EHBP1L1: variants seen among roughly 807,000 people sequenced by gnomAD.
The protein encoded by EHBP1L1 is EH domain-binding protein 1-like protein 1.
EHBP1L1 carries 122 observed loss-of-function variants against 151.1 expected under a neutral mutation model. The observed-to-expected ratio is 0.81, with a 90% CI of 0.70 to 0.94. The LOEUF is 0.94. EHBP1L1 is among the 40% of genes least tolerant of loss of function. The pLI, the probability that EHBP1L1 is intolerant of heterozygous loss-of-function variation, is 0.00. For missense variants in EHBP1L1, 1,941 were observed against 1,959.8 expected (o/e 0.99, Z 0.18); for synonymous variants, 878 against 810.1 (o/e 1.08, Z -1.42).
chr11:65,580,384 G>C lies in EHBP1L1; in HGVS notation c.539G>C (p.Ser180Thr), dbSNP rs1335907307. ...SLASLMSVKPSDVGNLDDFAE... is the reference protein window; with the variant it reads ...SLASLMSVKPTDVGNLDDFAE... ...GCAAGCCTCATGAGTGTGAAGCCTAGTGATGTGGGCAACTTGGATGACTTT... is the reference window on the plus strand; with the variant it reads ...GCAAGCCTCATGAGTGTGAAGCCTACTGATGTGGGCAACTTGGATGACTTT... Residue 180 changes from serine (S) to threonine (T), a missense_variant, in exon 6 of 19, where the codon AGT (serine) becomes ACT (threonine). Physicochemically the swap from Ser to Thr is moderately conservative, Grantham distance 58. Coordinates refer to ENST00000309295, the MANE Select transcript of EHBP1L1 (RefSeq NM_001099409.3). 1 of 1,613,832 alleles carries C rather than the reference G, an allele frequency of 6.2e-7. No individual in the cohort carries two copies. The highest frequency in any genetic ancestry group is 1.1e-5 in the South Asian group (1 of 91,086).
At chr11:65,581,514 A>C in intron 8 of EHBP1L1, 25 bp from the exon 9 acceptor site, 6 of 1,452,478 alleles carry the variant, frequency 4.1e-6, no homozygotes, top group Non-Finnish European at 5.5e-6. Flanking sequence ...CAGCCCCCCA[A>C]CTCCCCCTCC....
In EHBP1L1 at chr11:65,582,884, G is replaced by A. The variant is rs780845528; in HGVS notation, c.2212G>A (p.Glu738Lys). The A allele has an allele frequency of 6.2e-7, 1 of 1,613,648 alleles. No individual in the cohort carries two copies. Among genetic ancestry groups the A allele is most frequent in the Non-Finnish European group, 8.5e-7 (1 of 1,179,832 alleles). ...EITARDSGVR[E>K]IEAEIAESDI... ...AACAGCTAGGGATTCAGGGGTCAGAGAGATAGAAGCAGAGATAGCAGAGTC... is the reference window on the plus strand; with the variant it reads ...AACAGCTAGGGATTCAGGGGTCAGAAAGATAGAAGCAGAGATAGCAGAGTC... The change falls in exon 9 of 19, where the codon GAG (glutamate) becomes AAG (lysine). Residue 738 changes from glutamate to lysine, a missense_variant. Transcript: ENST00000309295.
Position 65,581,080 on chromosome 11 carries a change from G to A in EHBP1L1, c.657G>A (p.Thr219=), listed in dbSNP as rs762977125. The part of the protein sequence containing the change: ...PQPDPSRELK[T]LCEEEEEGQG... ...CAGATCCCTCTCGAGAGCTGAAGACGCTTTGTGAGGAGGAGGAGGAAGGCC... is the reference window on the plus strand; with the variant it reads ...CAGATCCCTCTCGAGAGCTGAAGACACTTTGTGAGGAGGAGGAGGAAGGCC... Residue 219 remains threonine (T), a synonymous_variant, in exon 7 of 19, where the codon ACG becomes ACA. Transcript: ENST00000309295. The A allele has an allele frequency of 6.8e-6, 11 of 1,611,998 alleles. No individual in the cohort carries two copies. The highest frequency in any genetic ancestry group is 5.0e-5 in the Admixed American group (3 of 59,716).
chr11:65,581,387 C>G lies in EHBP1L1; in HGVS notation c.866+14C>G. Reference sequence around the variant, plus strand: ...ACCAGAGATGAGGTGAGCTTTGGAACCAGCCTCACCCCCCATTGCCCCCTG... The same window carrying G: ...ACCAGAGATGAGGTGAGCTTTGGAAGCAGCCTCACCCCCCATTGCCCCCTG... On this transcript the variant is annotated intron_variant, in intron 8 of 18. Transcript: ENST00000309295. 1 of 1,523,280 alleles carries G rather than the reference C, an allele frequency of 6.6e-7. No homozygotes were observed. The highest frequency in any genetic ancestry group is 8.8e-7 in the Non-Finnish European group (1 of 1,137,716). The allele number at this position is 1,523,280 out of a possible 1,614,324, so 94.4% of individuals were successfully genotyped here.
chr11:65,591,787 C>CCCCCCCCAA lies in EHBP1L1; in HGVS notation c.4284-13_4284-12insCCCCCCCAA. The CCCCCCCCAA allele has an allele frequency of 1.3e-6, 2 of 1,535,214 alleles. No homozygotes were observed. The highest frequency in any genetic ancestry group is 2.3e-4 in the Middle Eastern group (1 of 4,354). ...TGCCACCCCCCCGCCACCCACCCCC[C>CCCCCCCCAA]GCCACCTTCCAGCATGGAGGAGCAG... On this transcript the variant is annotated splice_polypyrimidine_tract_variant and intron_variant, in intron 16 of 18. Coordinates refer to ENST00000309295, the MANE Select transcript of EHBP1L1 (RefSeq NM_001099409.3).
Position 65,590,514 on chromosome 11 carries a change from A to T in EHBP1L1, c.4205A>T (p.Glu1402Val), listed in dbSNP as rs1476584925. The change falls in exon 16 of 19, where the codon GAG (glutamate) becomes GTG (valine). Residue 1402 changes from glutamate to valine, a missense_variant. Glu to Val is a moderately radical substitution (Grantham distance 121). Transcript: ENST00000309295. ...MESGANKLQE[E>V]VLIQEWFTLV... ...GCAGGTGCCAACAAGCTGCAGGAGG[A>T]GGTGCTGATCCAGGAGTGGTTCACC... is the stretch of plus-strand genomic sequence containing the variant. The T allele has an allele frequency of 6.2e-7, 1 of 1,613,412 alleles. No homozygotes were observed. Among genetic ancestry groups the T allele is most frequent in the South Asian group, 1.1e-5 (1 of 91,034 alleles).
intron 9 of EHBP1L1, 185 bp from the exon 10 acceptor site, chr11:65,584,056 G>T: frequency 4.9e-6 from 7 of 1,427,118 alleles, no homozygotes; most frequent in Non-Finnish European, 6.4e-6. Context: ...CCTTTTAGGT[G>T]ACCTTGGCAG....
rs1028290059 is a variant in EHBP1L1, at chr11:65,581,962, A to T, written c.1290A>T (p.Ser430=). 5 of 1,613,826 alleles carry T rather than the reference A, an allele frequency of 3.1e-6. No individual in the cohort carries two copies. Among genetic ancestry groups the T allele is most frequent in the Non-Finnish European group, 4.2e-6 (5 of 1,179,844 alleles). The change falls in exon 9 of 19, where the codon TCA becomes TCT. Residue 430 remains serine, a synonymous_variant. Transcript: ENST00000309295. ...AVCQVDAEQR[S]KVRHVDTKGP... ...GTCAAGTGGATGCTGAGCAGAGGTC[A>T]AAGGTGAGACATGTGGACACTAAGG...
chr11:65,584,964 C>T lies in EHBP1L1; in HGVS notation c.3306C>T (p.Phe1102=). The change falls in exon 12 of 19, where the codon TTC becomes TTT. Residue 1102 remains phenylalanine (F), a synonymous_variant. Coordinates refer to ENST00000309295, the MANE Select transcript of EHBP1L1 (RefSeq NM_001099409.3). ...LNIKQNNKQA[F]DGFAALGVSR... ...CGAGTGCACCCTTCCCCTAGGCCTT[C>T]GATGGCTTCGCGGCTCTGGGCGTGT... The T allele has an allele frequency of 3.9e-6, 6 of 1,533,484 alleles. No homozygotes were observed. Among genetic ancestry groups the T allele is most frequent in the Non-Finnish European group, 5.2e-6 (6 of 1,145,724 alleles). 95.0% of individuals were successfully genotyped at this position (1,533,484 alleles called of 1,614,324 possible). A position where few individuals can be genotyped will look rare whatever the true frequency, so the allele number is the denominator to read the frequency against.
rs762284791 is a variant in EHBP1L1, at chr11:65,583,474, C to T, written c.2802C>T (p.Val934=). 1 of 1,613,548 alleles carries T rather than the reference C, an allele frequency of 6.2e-7. No individual in the cohort carries two copies. Among genetic ancestry groups the T allele is most frequent in the Non-Finnish European group, 8.5e-7 (1 of 1,179,772 alleles). ...VQGSETQVLR[V]QEAEAGVWGM... is the part of the protein sequence containing the mutation. ...GGTCAGAGACTCAAGTTCTGAGAGT[C>T]CAGGAGGCAGAGGCTGGGGTTTGGG... The change falls in exon 9 of 19, where the codon GTC becomes GTT. Residue 934 remains valine, a synonymous_variant. Transcript: ENST00000309295.
At chr11:65,584,599 G>C in intron 11 of EHBP1L1, 65 bp downstream of exon 11, 2 of 1,571,094 alleles carry the variant, frequency 1.3e-6, no homozygotes, top group Non-Finnish European at 1.7e-6. Flanking sequence ...CTCAGTGTCA[G>C]ATTTGGAGAA....
In EHBP1L1 at chr11:65,582,606, G is replaced by A. The variant is rs1857680188; in HGVS notation, c.1934G>A (p.Gly645Glu). The part of the protein sequence containing the change: ...ETEVGVIETP[G>E]TETEVLGTQK... ...GAGGTGGGGGTCATAGAGACCCCAG[G>A]GACAGAGACTGAGGTATTGGGGACC... Residue 645 changes from glycine (G) to glutamate (E), a missense_variant, in exon 9 of 19, where the codon GGG becomes GAG. Transcript: ENST00000309295. The A allele has an allele frequency of 1.9e-6, 3 of 1,613,492 alleles. No homozygotes were observed. The highest frequency in any genetic ancestry group is 2.5e-6 in the Non-Finnish European group (3 of 1,179,846).
intron 12 of EHBP1L1, among the ~76,000 whole-genome samples, chr11:65,587,093 G>A (rs1206969444): frequency 6.6e-6 from 1 of 152,206 alleles, no homozygotes; most frequent in Admixed American, 6.5e-5. Context: ...AGGAATTTGA[G>A]GCCGGGCACC....
At chr11:65,589,126 C>T (rs922643484) in intron 12 of EHBP1L1, among the ~76,000 whole-genome samples, 7 of 152,300 alleles carry the variant, frequency 4.6e-5, no homozygotes, top group South Asian at 2.1e-4. Context: ...GAGTCGAGGC[C>T]GGGCGTGGTG....
rs765773421 is a variant in EHBP1L1, at chr11:65,585,141, C to T, written c.3483C>T (p.Arg1161=). 8.9e-6 allele frequency: 13 copies of T among 1,454,842 alleles called. No homozygotes were observed. The highest frequency in any genetic ancestry group is 4.0e-5 in the South Asian group (3 of 74,852). 90.1% of individuals were successfully genotyped at this position (1,454,842 alleles called of 1,614,324 possible). The change falls in exon 12 of 19, where the codon CGC becomes CGT. Residue 1161 remains arginine (R), a synonymous_variant. Transcript: ENST00000309295. This position sits in a 1 kb window ranked among gnomAD's most constrained non-coding sequence, Gnocchi z 4.0. ...GCGGCGGCGGCGCCGGCACGTACCG[C>T]GTGGGCAGCGCCCAGCCCAGCCCGC... ...LEGGGGAGTY[R]VGSAQPSPPD...
In EHBP1L1 at chr11:65,590,563, C is replaced by T; in HGVS notation, c.4254C>T (p.Leu1418=). 1 of 1,613,660 alleles carries T rather than the reference C, an allele frequency of 6.2e-7. No homozygotes were observed. Among genetic ancestry groups the T allele is most frequent in the Non-Finnish European group, 8.5e-7 (1 of 1,179,860 alleles). The change falls in exon 16 of 19, where the codon CTC becomes CTT. Residue 1418 remains leucine (L), a synonymous_variant. Transcript: ENST00000309295. ...CCCTGGTCAACAAGAAGAACGCTCT[C>T]ATCCGGAGGCAGGACCAGCTGCAGC... The part of the protein sequence containing the change: ...WFTLVNKKNA[L]IRRQDQLQLL...
intron 9 of EHBP1L1, 27 bp downstream of exon 9, chr11:65,583,792 A>G: frequency 6.9e-7 from 1 of 1,453,826 alleles, no homozygotes. Flanking sequence ...CCGAGGGCCC[A>G]GTCTGCTGCT....
At chr11:65,588,637 A>C (rs1356349658) in intron 12 of EHBP1L1, among the ~76,000 whole-genome samples, 2 of 152,184 alleles carry the variant, frequency 1.3e-5, no homozygotes, top group African/African-American at 2.4e-5. Flanking sequence ...CACAGGTCAG[A>C]TGACCCAGAT....
At chr11:65,586,903 C>A (rs372167883) in intron 12 of EHBP1L1, among the ~76,000 whole-genome samples, 24 of 152,332 alleles carry the variant, frequency 1.6e-4, no homozygotes, top group African/African-American at 3.8e-4. Flanking sequence ...AGGCCTTCCC[C>A]CAGCTCTTGT....
Sources: gnomAD v4.1 joint callset for allele counts (sites outside exome capture counted in the v4.1 genomes callset) on GRCh38, gnomAD v4.1.1 for gene constraint, Gnocchi (gnomAD v3.1) non-coding constraint, MANE v1.5 for transcripts, NCBI Gene and HGNC (gene_info 2026-07-23, HGNC 2026-07-21) for gene names.